CDH4: variants seen among roughly 807,000 people sequenced by gnomAD.
The protein encoded by CDH4 is cadherin-4.
A neutral mutation model predicts 86.0 loss-of-function variants in CDH4; 33 were observed. The observed-to-expected ratio is 0.38, with a 90% CI of 0.29 to 0.51. CDH4 has a LOEUF of 0.51. Among genes scored for constraint, CDH4 ranks in the 20% least tolerant of loss-of-function variants. The pLI, the probability that CDH4 is intolerant of heterozygous loss-of-function variation, is 0.86. For missense variants in CDH4, 1,114 were observed against 1,307.4 expected (o/e 0.85, Z 2.28); for synonymous variants, 555 against 549.4 (o/e 1.01, Z -0.14).
chr20:61,253,122 G>A (rs971938552), intron 1 of CDH4, among the ~76,000 whole-genome samples: 10 of 151,538 alleles, frequency 6.6e-5, no homozygotes, highest in Non-Finnish European at 1.2e-4. Flanking sequence ...GGCAGGACCC[G>A]CGCTGCGGGT....
At chr20:61,615,479 A>G (rs1161011122) in intron 2 of CDH4, among the ~76,000 whole-genome samples, 2 of 152,202 alleles carry the variant, frequency 1.3e-5, no homozygotes, top group Non-Finnish European at 2.9e-5. Context: ...TAATCACTGA[A>G]GCATCAGAGT....
chr20:61,918,999 T>C (rs1488229651), intron 9 of CDH4, among the ~76,000 whole-genome samples: 1 of 152,176 alleles, frequency 6.6e-6, no homozygotes, highest in African/African-American at 2.4e-5. Context: ...GCCTCCTGGG[T>C]AGCTGGGACT....
At chr20:61,773,205 G>A in intron 4 of CDH4, 23 bp downstream of exon 4, 1 of 1,509,982 alleles carries the variant, frequency 6.6e-7, no homozygotes. Context: ...CCCTCCCGCG[G>A]GCACGGGGGT....
At chr20:61,506,285 A>G (rs1032887218) in intron 2 of CDH4, among the ~76,000 whole-genome samples, 17 of 152,224 alleles carry the variant, frequency 1.1e-4, no homozygotes, top group Non-Finnish European at 1.0e-4. Flanking sequence ...TGTCCTCATT[A>G]AAATCCAGTT....
intron 2 of CDH4, among the ~76,000 whole-genome samples, chr20:61,293,262 G>A (rs564259437): frequency 6.6e-6 from 1 of 152,208 alleles, no homozygotes; most frequent in South Asian, 2.1e-4. Flanking sequence ...TGGATGCAGA[G>A]AGGAGGATGA....
intron 2 of CDH4, among the ~76,000 whole-genome samples, chr20:61,731,262 G>A (rs939741489): frequency 6.6e-6 from 1 of 152,054 alleles, no homozygotes; most frequent in East Asian, 1.9e-4. Flanking sequence ...TTTTGGCCTC[G>A]TGACATTCTC....
rs1457870110 is a variant in CDH4 at position 61,933,249 on chromosome 20, C to T, written c.2379+125C>T. On this transcript the variant is annotated intron_variant, in intron 14 of 15. Transcript: ENST00000614565. ...TCAACCTTTTCACCAGTGAAGGTGCCAGGCAGGGGCGCACGGTTTCCTAGC... is the reference window on the plus strand; with the variant it reads ...TCAACCTTTTCACCAGTGAAGGTGCTAGGCAGGGGCGCACGGTTTCCTAGC... 8 of 1,226,016 alleles carry T rather than the reference C, an allele frequency of 6.5e-6. No homozygotes were observed. In the East Asian group the frequency reaches 2.0e-4, roughly 30 times the overall value. 75.9% of individuals were successfully genotyped at this position (1,226,016 alleles called of 1,614,324 possible).
intron 2 of CDH4, among the ~76,000 whole-genome samples, chr20:61,686,429 G>A (rs1159423245): frequency 1.3e-5 from 2 of 150,952 alleles, no homozygotes; most frequent in African/African-American, 4.9e-5. Flanking sequence ...ATTTGCGTGT[G>A]TATGTGCGTG....
rs540340924 is a variant in CDH4 at position 61,502,737 on chromosome 20, G to A, written c.170-240826G>A. ...CCAACATCACGAAGGAGAAACTGCC[G>A]TTATTTTCTTTTTTGTTACTGGCAG... is the stretch of plus-strand genomic sequence containing the variant. On this transcript the variant is annotated intron_variant, in intron 2 of 15. Coordinates refer to ENST00000614565, the MANE Select transcript of CDH4 (RefSeq NM_001794.5). 8.5e-5 allele frequency among the ~76,000 whole-genome samples: 13 copies of A among 152,302 alleles called. 1 individual carries two copies. The South Asian group carries it at 2.3e-3, about 27-fold the overall frequency.
chr20:61,649,285 G>C (rs540787064), intron 2 of CDH4, among the ~76,000 whole-genome samples: 33 of 152,328 alleles, frequency 2.2e-4, no homozygotes, highest in African/African-American at 7.9e-4. Context: ...TGTGGCCAGA[G>C]CCCAGGGTCA....
chr20:61,592,281 C>T (rs1270305893), intron 2 of CDH4, among the ~76,000 whole-genome samples: 1 of 152,168 alleles, frequency 6.6e-6, no homozygotes, highest in Non-Finnish European at 1.5e-5. Flanking sequence ...TCACTAAGAA[C>T]ATTCCCTAGT....
At chr20:61,440,687 T>G (rs1050228625) in intron 2 of CDH4, among the ~76,000 whole-genome samples, 4 of 152,212 alleles carry the variant, frequency 2.6e-5, no homozygotes, top group Non-Finnish European at 5.9e-5. Context: ...GAGATGTGAA[T>G]CCGGGGAACC....
At chr20:61,259,725 A>G (rs1260574342) in intron 2 of CDH4, among the ~76,000 whole-genome samples, 1 of 152,154 alleles carries the variant, frequency 6.6e-6, no homozygotes, top group Non-Finnish European at 1.5e-5. Flanking sequence ...TTGGCTGACA[A>G]TGTGCCCTGT....
chr20:61,488,811 G>C (rs2085610365), intron 2 of CDH4, among the ~76,000 whole-genome samples: 1 of 152,172 alleles, frequency 6.6e-6, no homozygotes, highest in South Asian at 2.1e-4. Flanking sequence ...ATTTGTGGGT[G>C]CACCTAAAAC....
chr20:61,431,902 T>G (rs1311553940), intron 2 of CDH4, among the ~76,000 whole-genome samples: 1 of 152,178 alleles, frequency 6.6e-6, no homozygotes, highest in Non-Finnish European at 1.5e-5. Flanking sequence ...GGAATATACT[T>G]TTTTGTGCCG....
chr20:61,642,326 A>G (rs913887663), intron 2 of CDH4, among the ~76,000 whole-genome samples: 7 of 152,128 alleles, frequency 4.6e-5, no homozygotes, highest in African/African-American at 1.7e-4. Flanking sequence ...CAGCAGGTGG[A>G]TGGCAGAGGG....
chr20:61,305,119 C>G (rs1365722484), intron 2 of CDH4, among the ~76,000 whole-genome samples: 3 of 150,770 alleles, frequency 2.0e-5, no homozygotes, highest in Non-Finnish European at 4.4e-5. Flanking sequence ...TGCTCTGGGC[C>G]TGTATTGTGT....
At chr20:61,275,698 A>G (rs8184271) in intron 2 of CDH4, among the ~76,000 whole-genome samples, 73,494 of 140,642 alleles carry the variant, frequency 0.52, 19,877 homozygotes, top group South Asian at 0.6. Context: ...TTGGGGGAGT[A>G]CCGTGCGCAG....
At chr20:61,530,951 C>T (rs1292436441) in intron 2 of CDH4, among the ~76,000 whole-genome samples, 2 of 152,182 alleles carry the variant, frequency 1.3e-5, no homozygotes, top group African/African-American at 4.8e-5. Flanking sequence ...GTCAGGACAA[C>T]TAATATCTAT....
Sources: gnomAD v4.1 joint callset for allele counts (sites outside exome capture counted in the v4.1 genomes callset) on GRCh38, gnomAD v4.1.1 for gene constraint, MANE v1.5 for transcripts, NCBI Gene and HGNC (gene_info 2026-07-23, HGNC 2026-07-21) for gene names.